Variants in DNAJC6 observed in about 807,000 individuals in gnomAD.
DNAJC6 encodes auxilin.
DNAJC6 carries 34 observed loss-of-function variants against 110.0 expected under a neutral mutation model. That is an observed-to-expected ratio of 0.31 (90% CI 0.24 to 0.41). The LOEUF is 0.41. Ranked by LOEUF, DNAJC6 falls within the 10% of genes least tolerant of loss-of-function variation. DNAJC6 has a pLI of 1.00. For synonymous variants in DNAJC6, 406 were observed against 437.2 expected (o/e 0.93, Z 0.89); for missense variants, 1,031 against 1,207.8 (o/e 0.85, Z 2.17).
intron 1 of DNAJC6, among the ~76,000 whole-genome samples, chr1:65,354,010 A>C (rs1290959173): frequency 4.6e-5 from 7 of 152,122 alleles, no homozygotes; most frequent in Admixed American, 3.9e-4. Flanking sequence ...ATTCCATAGC[A>C]GCTCAGTTTC....
chr1:65,275,107 TAATGATTGTTTTATGG>T (rs1447113288), intron 1 of DNAJC6, among the ~76,000 whole-genome samples: 1 of 152,250 alleles, frequency 6.6e-6, no homozygotes, highest in East Asian at 1.9e-4. Flanking sequence ...TAGGACACTG[TAATGATTGTTTTATGG>T]AATAAATATT....
chr1:65,349,564 T>A (rs1288628510), intron 1 of DNAJC6, among the ~76,000 whole-genome samples: 2 of 152,096 alleles, frequency 1.3e-5, no homozygotes, highest in Non-Finnish European at 2.9e-5. Flanking sequence ...TTGAAAGGAT[T>A]TTTTGCTGTC....
At chr1:65,365,987 C>T (rs1199133258) in intron 3 of DNAJC6, 53 bp downstream of exon 3, 1 of 1,612,252 alleles carries the variant, frequency 6.2e-7, no homozygotes, top group Admixed American at 1.7e-5. Context: ...CCGTTGCTGC[C>T]CATCGTTATA....
At chr1:65,307,474 G>A (rs917506121), upstream of DNAJC6, among the ~76,000 whole-genome samples, 1 of 152,116 alleles carries the variant, frequency 6.6e-6, no homozygotes, top group Non-Finnish European at 1.5e-5. Context: ...AAAAATAACT[G>A]AAAGTGCTCT....
At chr1:65,389,670 T>C (rs762494027) in intron 11 of DNAJC6, 43 bp downstream of exon 11, 8 of 1,598,378 alleles carry the variant, frequency 5.0e-6, no homozygotes, top group South Asian at 3.3e-5. Flanking sequence ...TTGATGATTA[T>C]GTATTTCTTC....
Position 65,386,844 on chromosome 1 carries a change from T to C in DNAJC6, c.1028T>C (p.Ile343Thr). The change falls in exon 8 of 19, where the codon ATT (isoleucine) becomes ACT (threonine). Residue 343 changes from isoleucine to threonine, a missense_variant. Transcript: ENST00000371069. Reference protein sequence around the residue: ...EYRVQDGKIFIPLNITVQGDV... With the variant: ...EYRVQDGKIFTPLNITVQGDV... ...CGTGTCCAAGATGGAAAAATCTTCATTCCCTTGAACATCACTGTGCAAGGA... is the reference window on the plus strand; with the variant it reads ...CGTGTCCAAGATGGAAAAATCTTCACTCCCTTGAACATCACTGTGCAAGGA... 1 of 1,614,160 alleles carries C rather than the reference T, an allele frequency of 6.2e-7. No individual in the cohort carries two copies. The highest frequency in any genetic ancestry group is 1.1e-5 in the South Asian group (1 of 91,086).
At chr1:65,364,467 A>G (rs1214223000) in intron 1 of DNAJC6, among the ~76,000 whole-genome samples, 168 bp from the exon 2 acceptor site, 1 of 152,178 alleles carries the variant, frequency 6.6e-6, no homozygotes, top group Non-Finnish European at 1.5e-5. Context: ...TAGCAATGCT[A>G]TAACTCAGAG....
At chr1:65,274,141 T>A (rs760500587) in intron 1 of DNAJC6, among the ~76,000 whole-genome samples, 4 of 152,142 alleles carry the variant, frequency 2.6e-5, no homozygotes, top group Non-Finnish European at 5.9e-5. Context: ...TGTTATTAGG[T>A]GCATACCATA....
At chr1:65,289,258 C>T (rs1018883730) in intron 1 of DNAJC6, among the ~76,000 whole-genome samples, 4 of 152,052 alleles carry the variant, frequency 2.6e-5, no homozygotes, top group African/African-American at 7.2e-5. Context: ...TGCAGTGGCA[C>T]GATCTCGGCT....
intron 1 of DNAJC6, among the ~76,000 whole-genome samples, chr1:65,281,698 T>G (rs962024657): frequency 3.3e-5 from 5 of 152,074 alleles, no homozygotes; most frequent in Non-Finnish European, 7.4e-5. Context: ...AAGCTCCACC[T>G]CCTGCGTTCA....
intron 5 of DNAJC6, among the ~76,000 whole-genome samples, chr1:65,380,851 C>G (rs148185450): frequency 1.3e-5 from 2 of 151,060 alleles, no homozygotes; most frequent in African/African-American, 4.9e-5. Context: ...GAAATGAATA[C>G]CATGTCTTTG....
At chr1:65,365,454 A>G (rs376470318) in intron 2 of DNAJC6, among the ~76,000 whole-genome samples, 9 of 152,210 alleles carry the variant, frequency 5.9e-5, no homozygotes, top group Admixed American at 4.6e-4. Flanking sequence ...AGATAAAACT[A>G]TTCTTACCTC....
At chr1:65,355,957 T>A (rs1184363657) in intron 1 of DNAJC6, among the ~76,000 whole-genome samples, 2 of 150,822 alleles carry the variant, frequency 1.3e-5, no homozygotes, top group Non-Finnish European at 3.0e-5. Flanking sequence ...TGTGGCTTTA[T>A]CTTCTATGTG....
chr1:65,350,849 C>A (rs1044276495), intron 1 of DNAJC6, among the ~76,000 whole-genome samples: 1 of 152,148 alleles, frequency 6.6e-6, no homozygotes, highest in Non-Finnish European at 1.5e-5. Flanking sequence ...CAACATATGC[C>A]AGCATTTATA....
chr1:65,337,777 A>T (rs1432518828), intron 1 of DNAJC6, among the ~76,000 whole-genome samples: 1 of 152,216 alleles, frequency 6.6e-6, no homozygotes, highest in Non-Finnish European at 1.5e-5. Flanking sequence ...TTATATGCAA[A>T]TACTACACGA....
intron 18 of DNAJC6, among the ~76,000 whole-genome samples, chr1:65,411,919 T>C (rs1646133400): frequency 6.6e-6 from 1 of 152,240 alleles, no homozygotes; most frequent in South Asian, 2.1e-4. Context: ...TGCAGTGAGC[T>C]GAGATCGCTC....
chr1:65,328,774 T>C (rs1432756223), intron 1 of DNAJC6, among the ~76,000 whole-genome samples: 2 of 152,224 alleles, frequency 1.3e-5, no homozygotes, highest in Non-Finnish European at 2.9e-5. Flanking sequence ...TCTTGGTTCC[T>C]CAATATAGAA....
In DNAJC6 at chr1:65,267,053, C is replaced by A. The variant is rs564594216; in HGVS notation, c.-131+2121C>A. The stretch of plus-strand genomic sequence containing the variant: ...CTGGGATTACAGGCCCATGCCACCA[C>A]GCCCGGTTAATTTTTGTATTTTTAG... On this transcript the variant is annotated intron_variant, in intron 1 of 19. Transcript: ENST00000263441. 2.0e-5 allele frequency among the ~76,000 whole-genome samples: 3 copies of A among 152,184 alleles called. No homozygotes were observed. The South Asian group carries it at 6.2e-4, about 32-fold the overall frequency.
intron 1 of DNAJC6, among the ~76,000 whole-genome samples, chr1:65,288,868 A>C (rs1389861435): frequency 6.6e-6 from 1 of 152,150 alleles, no homozygotes; most frequent in African/African-American, 2.4e-5. Context: ...ATTCCTATAT[A>C]GTATTCCATT....
Sources: gnomAD v4.1 joint callset for allele counts (sites outside exome capture counted in the v4.1 genomes callset) on GRCh38, gnomAD v4.1.1 for gene constraint, MANE v1.5 for transcripts, NCBI Gene and HGNC (gene_info 2026-07-23, HGNC 2026-07-21) for gene names.